The following CTNND2 variants were observed in gnomAD, a reference collection of about 807,000 sequenced individuals.
CTNND2 encodes catenin delta 2, also known as catenin delta-2.
A neutral mutation model predicts 144.4 loss-of-function variants in CTNND2; 22 were observed. That is an observed-to-expected ratio of 0.15 (90% CI 0.11 to 0.22). The LOEUF (loss-of-function observed/expected upper bound fraction) is 0.22, where lower values mean the gene tolerates loss of function less well. CTNND2 is among the 10% of genes least tolerant of loss of function. CTNND2 has a pLI of 1.00. For synonymous variants in CTNND2, 751 were observed against 695.6 expected (o/e 1.08, Z -1.25); for missense variants, 1,353 against 1,618.8 (o/e 0.84, Z 2.82).
chr5:11,423,888 T>A (rs31889), intron 3 of CTNND2, among the ~76,000 whole-genome samples: 54,053 of 150,940 alleles, frequency 0.36, 13,642 homozygotes, highest in African/African-American at 0.73. Context: ...AAAGAAAAAA[T>A]TTTTTTTTTG....
At chr5:11,108,580 T>C (rs907837089) in intron 14 of CTNND2, among the ~76,000 whole-genome samples, 8 of 152,258 alleles carry the variant, frequency 5.3e-5, no homozygotes, top group Non-Finnish European at 1.0e-4. Context: ...TTTGAATTGA[T>C]AGGTTTGTCT....
chr5:11,563,095 C>T (rs1776804753), intron 3 of CTNND2, among the ~76,000 whole-genome samples: 1 of 152,212 alleles, frequency 6.6e-6, no homozygotes, highest in East Asian at 1.9e-4. Context: ...CATATACTCA[C>T]AGTCTGGTCA....
At chr5:11,813,233 T>C (rs1792435264) in intron 1 of CTNND2, among the ~76,000 whole-genome samples, 1 of 152,198 alleles carries the variant, frequency 6.6e-6, no homozygotes, top group African/African-American at 2.4e-5. Flanking sequence ...CAATGGGCCA[T>C]ACAGGCTGTA....
chr5:11,659,513 A>C (rs769271420), intron 2 of CTNND2, among the ~76,000 whole-genome samples: 1 of 152,172 alleles, frequency 6.6e-6, no homozygotes, highest in Non-Finnish European at 1.5e-5. Context: ...TTCAAGTGTT[A>C]GCATGCACAT....
intron 9 of CTNND2, among the ~76,000 whole-genome samples, chr5:11,245,630 G>A (rs1742922642): frequency 6.6e-6 from 1 of 152,166 alleles, no homozygotes; most frequent in Admixed American, 6.5e-5. Context: ...CACCTTGACT[G>A]CAACACAATG....
chr5:11,487,445 G>A (rs182684374), intron 3 of CTNND2, among the ~76,000 whole-genome samples: 20 of 152,008 alleles, frequency 1.3e-4, no homozygotes, highest in East Asian at 3.9e-4. Flanking sequence ...TAGAGTTTAC[G>A]TCTTGTAGGG....
chr5:11,052,430 G>C (rs139742820), intron 16 of CTNND2, among the ~76,000 whole-genome samples: 15 of 152,170 alleles, frequency 9.9e-5, no homozygotes, highest in African/African-American at 3.6e-4. Flanking sequence ...TACTATTCCA[G>C]GAGATTCTTG....
intron 20 of CTNND2, among the ~76,000 whole-genome samples, chr5:10,983,973 T>C (rs989619941): frequency 2.6e-5 from 4 of 152,038 alleles, no homozygotes; most frequent in Admixed American, 1.3e-4. Flanking sequence ...TTCGGTGAGG[T>C]TGTCTTTGCT....
At chr5:11,021,793 G>A (rs530784542) in intron 17 of CTNND2, among the ~76,000 whole-genome samples, 1 of 150,976 alleles carries the variant, frequency 6.6e-6, no homozygotes, top group East Asian at 2.0e-4. Flanking sequence ...AAACTATTTA[G>A]CATTTACATG....
chr5:11,464,197 C>A (rs1334901022), intron 3 of CTNND2, among the ~76,000 whole-genome samples: 1 of 152,164 alleles, frequency 6.6e-6, no homozygotes, highest in South Asian at 2.1e-4. Context: ...GACAAAAATT[C>A]TTCCATTTGT....
At chr5:11,635,172 G>C (rs889107597) in intron 2 of CTNND2, among the ~76,000 whole-genome samples, 16 of 152,032 alleles carry the variant, frequency 1.1e-4, no homozygotes, top group Non-Finnish European at 1.2e-4. Context: ...AGTGCAAAGA[G>C]AGTTTTTAAA....
rs778334495 is a variant in CTNND2 at position 11,082,670 on chromosome 5, GAC to G, written c.2788+24_2788+25del. On this transcript the variant is annotated intron_variant, in intron 16 of 21. Transcript: ENST00000304623. ...GAAAATATTTTCACTTAACACTTGA[GAC>G]ACTGTGAATCAGGGAGAACATACCG... 5.6e-6 allele frequency: 9 copies of G among 1,611,212 alleles called. No individual in the cohort carries two copies. The East Asian group carries it at 2.0e-4, about 36-fold the overall frequency.
At chr5:11,223,916 G>A (rs1436191057) in intron 10 of CTNND2, among the ~76,000 whole-genome samples, 1 of 152,130 alleles carries the variant, frequency 6.6e-6, no homozygotes, top group African/African-American at 2.4e-5. Flanking sequence ...TATACAATGT[G>A]CAAAAAATAG....
chr5:11,841,732 T>G (rs1410317788), intron 1 of CTNND2, among the ~76,000 whole-genome samples: 1 of 152,012 alleles, frequency 6.6e-6, no homozygotes, highest in Non-Finnish European at 1.5e-5. Context: ...TTTCCTGATC[T>G]GTAAAATGAG....
At chr5:11,534,834 C>T (rs934040864) in intron 3 of CTNND2, among the ~76,000 whole-genome samples, 2 of 152,114 alleles carry the variant, frequency 1.3e-5, no homozygotes, top group Admixed American at 6.6e-5. Flanking sequence ...TGCTGACAAT[C>T]CATTCTCTCT....
chr5:11,078,846 G>T (rs2973519), intron 16 of CTNND2, among the ~76,000 whole-genome samples: 1 of 151,922 alleles, frequency 6.6e-6, no homozygotes, highest in Non-Finnish European at 1.5e-5. Flanking sequence ...AGATATACCA[G>T]ATCTACACAA....
chr5:11,082,900 C>T (rs777078900), intron 15 of CTNND2, 54 bp from the exon 16 acceptor site: 12 of 1,590,464 alleles, frequency 7.5e-6, no homozygotes, highest in Non-Finnish European at 1.0e-5. Context: ...ACCCTGCATG[C>T]AAATAGTACA....
chr5:11,166,229 A>AGAATGGG (rs1447440179), intron 11 of CTNND2, among the ~76,000 whole-genome samples: 1 of 150,542 alleles, frequency 6.6e-6, no homozygotes, highest in African/African-American at 2.5e-5. Flanking sequence ...AAAAAGGAGA[A>AGAATGGG]GAATGGGGAC....
intron 3 of CTNND2, among the ~76,000 whole-genome samples, chr5:11,520,552 T>C (rs2150039475): frequency 6.6e-6 from 1 of 152,322 alleles, no homozygotes; most frequent in Admixed American, 6.5e-5. Flanking sequence ...TCTGAGAAGC[T>C]CACTGTTTAT....
Sources: gnomAD v4.1 joint callset for allele counts (sites outside exome capture counted in the v4.1 genomes callset) on GRCh38, gnomAD v4.1.1 for gene constraint, MANE v1.5 for transcripts, NCBI Gene and HGNC (gene_info 2026-07-23, HGNC 2026-07-21) for gene names.